Variants in CNOT2 observed in about 807,000 individuals in gnomAD.
CNOT2 encodes CCR4-NOT transcription complex subunit 2, also known as CC chemokine receptor 4-negative regulator of transcription 2.
CNOT2 carries 7 observed loss-of-function variants against 72.1 expected under a neutral mutation model. That is an observed-to-expected ratio of 0.10 (90% CI 0.06 to 0.18). The LOEUF (loss-of-function observed/expected upper bound fraction) is 0.18. CNOT2 is among the 10% of genes least tolerant of loss of function. CNOT2 has a pLI of 1.00. For missense variants in CNOT2, 345 were observed against 660.3 expected (o/e 0.52, Z 5.23); for synonymous variants, 196 against 225.6 (o/e 0.87, Z 1.17).
intron 1 of CNOT2, among the ~76,000 whole-genome samples, chr12:70,269,886 G>C (rs1047093493): frequency 1.3e-5 from 2 of 152,112 alleles, no homozygotes; most frequent in East Asian, 3.9e-4. Flanking sequence ...ATTTGGCTTA[G>C]TGCCTAATAT....
intron 4 of CNOT2, chr12:70,327,665 A>T (rs1197721045): frequency 6.6e-6 from 1 of 151,816 alleles, no homozygotes; most frequent in African/African-American, 2.4e-5. Flanking sequence ...TTGCAGCTAT[A>T]GTTGACTTCA....
chr12:70,303,770 C>G (rs564252365), intron 2 of CNOT2, among the ~76,000 whole-genome samples: 1 of 152,194 alleles, frequency 6.6e-6, no homozygotes, highest in Admixed American at 6.5e-5. Context: ...GCCTGCCTTG[C>G]CAGACTGGGG....
intron 8 of CNOT2, 162 bp downstream of exon 8, chr12:70,335,725 T>C: frequency 4.3e-6 from 2 of 465,054 alleles, no homozygotes; most frequent in Non-Finnish European, 7.5e-6. Context: ...ATATTAGAAG[T>C]GATTTTTCTT....
intron 4 of CNOT2, chr12:70,323,417 A>G (rs1878604601): frequency 6.6e-6 from 1 of 151,822 alleles, no homozygotes; most frequent in Admixed American, 6.6e-5. Context: ...TATGTAGTAG[A>G]ATAAGAAGTT....
chr12:70,322,138 G>A (rs1413604368), intron 4 of CNOT2: 1 of 151,768 alleles, frequency 6.6e-6, no homozygotes, highest in African/African-American at 2.4e-5. Context: ...TTTTGAAACT[G>A]CGACTTGAAG....
intron 11 of CNOT2, among the ~76,000 whole-genome samples, chr12:70,339,458 C>G (rs1881200582): frequency 6.6e-6 from 1 of 152,080 alleles, no homozygotes; most frequent in African/African-American, 2.4e-5. Context: ...CATAATTGTT[C>G]ATTTACATAT....
intron 2 of CNOT2, among the ~76,000 whole-genome samples, chr12:70,284,271 G>A (rs529001835): frequency 1.4e-5 from 2 of 145,180 alleles, no homozygotes; most frequent in South Asian, 2.2e-4. Context: ...TTGAGACAGG[G>A]TCTCACTCTG....
At chr12:70,324,088 A>T (rs1350429661) in intron 4 of CNOT2, 1 of 151,812 alleles carries the variant, frequency 6.6e-6, no homozygotes, top group Non-Finnish European at 1.5e-5. Flanking sequence ...ATTACTTTGT[A>T]AGAGTAACTA....
At chr12:70,293,516 A>G (rs1872299459) in intron 2 of CNOT2, among the ~76,000 whole-genome samples, 1 of 152,054 alleles carries the variant, frequency 6.6e-6, no homozygotes, top group Non-Finnish European at 1.5e-5. Context: ...AAAATCTTAA[A>G]ATTTTTCTCT....
chr12:70,256,162 T>C (rs1272447361), intron 1 of CNOT2, among the ~76,000 whole-genome samples: 1 of 152,198 alleles, frequency 6.6e-6, no homozygotes, highest in Admixed American at 6.5e-5. Context: ...TATTTCTAAT[T>C]GTATATTCCA....
intron 15 of CNOT2, among the ~76,000 whole-genome samples, chr12:70,349,622 C>T (rs1490892201): frequency 6.6e-6 from 1 of 152,004 alleles, no homozygotes; most frequent in African/African-American, 2.4e-5. Context: ...TATTTCTTAT[C>T]CTCTAAAAAT....
chr12:70,278,840 A>G (rs1349935117), intron 2 of CNOT2, among the ~76,000 whole-genome samples: 1 of 152,178 alleles, frequency 6.6e-6, no homozygotes, highest in African/African-American at 2.4e-5. Context: ...TTCAGTGTGT[A>G]GGAAGGCTGG....
intron 2 of CNOT2, among the ~76,000 whole-genome samples, chr12:70,300,532 A>G (rs1039734800): frequency 3.3e-5 from 5 of 152,074 alleles, no homozygotes; most frequent in African/African-American, 1.2e-4. Context: ...ATGGTTGTAG[A>G]TATGTGGCGT....
At chr12:70,264,583 C>T (rs77285658) in intron 1 of CNOT2, among the ~76,000 whole-genome samples, 235 of 152,188 alleles carry the variant, frequency 1.5e-3, no homozygotes, top group African/African-American at 5.5e-3. Flanking sequence ...GTCATGTTTA[C>T]GGTAGAGCCT....
intron 1 of CNOT2, among the ~76,000 whole-genome samples, chr12:70,270,305 T>G (rs1326384695): frequency 6.6e-6 from 1 of 152,154 alleles, no homozygotes; most frequent in African/African-American, 2.4e-5. Context: ...TGAAACTTAG[T>G]TCTTAGATAA....
At chr12:70,260,265 CT>C (rs927741520) in intron 1 of CNOT2, among the ~76,000 whole-genome samples, 19 of 150,866 alleles carry the variant, frequency 1.3e-4, no homozygotes, top group South Asian at 8.4e-4. Flanking sequence ...TATTTAATTT[CT>C]TTTTTTTTAA....
chr12:70,351,922 C>T (rs1030080293), intron 15 of CNOT2, among the ~76,000 whole-genome samples: 6 of 152,162 alleles, frequency 3.9e-5, no homozygotes, highest in African/African-American at 9.7e-5. Flanking sequence ...CTAATTTTTA[C>T]TGATAAGCAA....
Position 70,343,635 on chromosome 12 carries a change from G to T in CNOT2, c.1291-493G>T, listed in dbSNP as rs568922716. 1.2e-4 allele frequency among the ~76,000 whole-genome samples: 19 copies of T among 152,270 alleles called. No individual in the cohort carries two copies. The East Asian group carries it at 3.7e-3, about 29-fold the overall frequency. On this transcript the variant is annotated intron_variant, in intron 13 of 15. Transcript: ENST00000229195. ...GTCTATATATTTGGCACTCTACAAGGTGCTTTCATATACCTTCACTCATTT... is the reference window on the plus strand; with the variant it reads ...GTCTATATATTTGGCACTCTACAAGTTGCTTTCATATACCTTCACTCATTT...
intron 2 of CNOT2, among the ~76,000 whole-genome samples, chr12:70,291,273 T>G (rs887576457): frequency 1.3e-5 from 2 of 152,220 alleles, no homozygotes; most frequent in Non-Finnish European, 2.9e-5. Flanking sequence ...TGTATTGTTT[T>G]ATCTGGATCA....
Sources: gnomAD v4.1 joint callset for allele counts (sites outside exome capture counted in the v4.1 genomes callset) on GRCh38, gnomAD v4.1.1 for gene constraint, MANE v1.5 for transcripts, NCBI Gene and HGNC (gene_info 2026-07-23, HGNC 2026-07-21) for gene names.